Variants in ZC3H18 observed in about 807,000 individuals in gnomAD.
ZC3H18 encodes zinc finger CCCH-type containing 18.
In ZC3H18, 8 loss-of-function variants were observed where a neutral mutation model predicts 106.1. The observed-to-expected ratio is 0.08, with a 90% CI of 0.04 to 0.14. The LOEUF (loss-of-function observed/expected upper bound fraction) is 0.14, where lower values mean the gene tolerates loss of function less well. Ranked by LOEUF, ZC3H18 falls within the 10% of genes least tolerant of loss-of-function variation. ZC3H18 has a pLI of 1.00. For synonymous variants in ZC3H18, 635 were observed against 522.1 expected (o/e 1.22, Z -2.95); for missense variants, 1,318 against 1,278.4 (o/e 1.03, Z -0.47).
intron 17 of ZC3H18, 53 bp from the exon 18 acceptor site, chr16:88,631,048 C>T (rs932413727): frequency 4.6e-5 from 74 of 1,606,500 alleles, no homozygotes; most frequent in Non-Finnish European, 5.7e-5. Context: ...GTCACCCCTT[C>T]CACCTGCAGA....
chr16:88,606,280 G>A (rs538970682), intron 6 of ZC3H18, among the ~76,000 whole-genome samples: 194 of 152,352 alleles, frequency 1.3e-3, no homozygotes, highest in Middle Eastern at 0.01. Flanking sequence ...TGAGGAGTCC[G>A]TTGTTGGCAT....
Position 88,627,768 on chromosome 16 carries a change from C to A in ZC3H18, c.2255C>A (p.Thr752Asn). Residue 752 changes from threonine to asparagine, a missense_variant, in exon 14 of 18, where the codon ACC becomes AAC. By Grantham distance (65) the Thr-to-Asn change is moderately conservative (BLOSUM62 0). This residue lies in a region of ZC3H18 where 848 missense variants were observed against 821.7 expected (regional missense o/e 1.03). Coordinates refer to ENST00000301011, the MANE Select transcript of ZC3H18 (RefSeq NM_144604.4). The surrounding 1 kb of genome is among the most constrained non-coding windows in gnomAD (Gnocchi z 4.5). ...TCTCGGTCCCCGGCCCCAGCCCAGA[C>A]CAGGAAGGAGAAAGGTACTCAGGAG... ...ASSRSPAPAQ[T>N]RKEKGKSKKE... 1.2e-6 allele frequency: 2 copies of A among 1,605,504 alleles called. No individual in the cohort carries two copies. The highest frequency in any genetic ancestry group is 1.7e-6 in the Non-Finnish European group (2 of 1,172,722).
chr16:88,579,673 A>G (rs1914988772), intron 2 of ZC3H18, among the ~76,000 whole-genome samples: 1 of 152,144 alleles, frequency 6.6e-6, no homozygotes, highest in South Asian at 2.1e-4. Flanking sequence ...TTGCCTACCT[A>G]GACCTTGCCT....
intron 2 of ZC3H18, among the ~76,000 whole-genome samples, chr16:88,581,003 G>A (rs1028844374): frequency 2.0e-5 from 3 of 152,148 alleles, no homozygotes; most frequent in African/African-American, 7.2e-5. Context: ...GTCAGGAGAG[G>A]GACTGATTCG....
chr16:88,598,238 A>G lies in ZC3H18; in HGVS notation c.749A>G (p.Asn250Ser). 6.2e-7 allele frequency: 1 copy of G among 1,613,802 alleles called. No individual in the cohort carries two copies. Among genetic ancestry groups the G allele is most frequent in the Non-Finnish European group, 8.5e-7 (1 of 1,179,888 alleles). ...CACCCTGGAGTGAACGACAAGGGGA[A>G]CTACTCCCTAATCACCAAAGCCGAC... ...FIHPGVNDKGNYSLITKADPF... is the reference protein window; with the variant it reads ...FIHPGVNDKGSYSLITKADPF... The change falls in exon 4 of 18, where the codon AAC (asparagine) becomes AGC (serine). Residue 250 changes from asparagine to serine, a missense_variant. Asn to Ser is a conservative substitution (Grantham distance 46, BLOSUM62 1). Transcript: ENST00000301011.
Position 88,625,273 on chromosome 16 carries a change from C to T in ZC3H18, c.2108+6C>T. The T allele has an allele frequency of 1.3e-6, 2 of 1,583,272 alleles. No individual in the cohort carries two copies. Among genetic ancestry groups the T allele is most frequent in the East Asian group, 2.3e-5 (1 of 43,012 alleles). On this transcript the variant is annotated splice_donor_region_variant and intron_variant, in intron 13 of 17. Coordinates refer to ENST00000301011, the MANE Select transcript of ZC3H18 (RefSeq NM_144604.4). Reference sequence around the variant, plus strand: ...GGTTCCAGCTCCCGATCCAGGTCATCCCCATCACCCTGTGCCTCTGTTTCT... The same window carrying T: ...GGTTCCAGCTCCCGATCCAGGTCATTCCCATCACCCTGTGCCTCTGTTTCT...
chr16:88,617,235 G>A (rs745372665), intron 8 of ZC3H18, among the ~76,000 whole-genome samples: 1 of 152,020 alleles, frequency 6.6e-6, no homozygotes, highest in Non-Finnish European at 1.5e-5. Flanking sequence ...GCTTGTCCCC[G>A]TCGGGATCTC....
Position 88,599,860 on chromosome 16 carries a change from A to T in ZC3H18, c.1000A>T (p.Ile334Phe). The T allele has an allele frequency of 1.2e-6, 2 of 1,614,236 alleles. No homozygotes were observed. The highest frequency in any genetic ancestry group is 1.7e-6 in the Non-Finnish European group (2 of 1,180,046). The change falls in exon 6 of 18, where the codon ATT (isoleucine) becomes TTT (phenylalanine). Residue 334 changes from isoleucine (I) to phenylalanine (F), a missense_variant. By Grantham distance (21) the Ile-to-Phe change is conservative (BLOSUM62 0). This residue lies in a region of ZC3H18 where 848 missense variants were observed against 821.7 expected (regional missense o/e 1.03). Coordinates refer to ENST00000301011, the MANE Select transcript of ZC3H18 (RefSeq NM_144604.4). Reference sequence around the variant, plus strand: ...TGAAGAGAAAAGGTTTACGGTGACCATTGGCGAAGACGAACGGGAATTTGA... The same window carrying T: ...TGAAGAGAAAAGGTTTACGGTGACCTTTGGCGAAGACGAACGGGAATTTGA... ...DFEEKRFTVT[I>F]GEDEREFDKE...
chr16:88,617,714 C>G (rs1302562037), intron 8 of ZC3H18, among the ~76,000 whole-genome samples: 1 of 152,246 alleles, frequency 6.6e-6, no homozygotes, highest in Non-Finnish European at 1.5e-5. Context: ...ACTGGAAGCA[C>G]TCGCCCCCCA....
At chr16:88,623,071 G>A (rs1219021716) in intron 9 of ZC3H18, 148 bp from the exon 10 acceptor site, 8 of 1,128,928 alleles carry the variant, frequency 7.1e-6, no homozygotes, top group Middle Eastern at 2.9e-4. Context: ...GTCTGTGCGC[G>A]CGTCTGCAGC....
chr16:88,577,091 T>C lies in ZC3H18; in HGVS notation c.-14-19T>C, dbSNP rs2142531773. 1 of 1,502,480 alleles carries C rather than the reference T, an allele frequency of 6.7e-7. No homozygotes were observed. 93.1% of individuals were successfully genotyped at this position (1,502,480 alleles called of 1,614,324 possible). On this transcript the variant is annotated intron_variant, in intron 1 of 17. Transcript: ENST00000301011. ...TCCATTTTGCTAAAGGCTGTCAATCTGTATTCTCTCTTTTGCAGAACCGTG... is the reference window on the plus strand; with the variant it reads ...TCCATTTTGCTAAAGGCTGTCAATCCGTATTCTCTCTTTTGCAGAACCGTG...
chr16:88,630,756 A>ACCCCC, intron 17 of ZC3H18, among the ~76,000 whole-genome samples, 175 bp downstream of exon 17: 1 of 50,240 alleles, frequency 2.0e-5, no homozygotes, highest in African/African-American at 6.6e-5. Flanking sequence ...CCCACCCCCC[A>ACCCCC]CCCCCCCCCA....
intron 17 of ZC3H18, 143 bp from the exon 18 acceptor site, chr16:88,630,958 G>A: frequency 2.9e-6 from 3 of 1,031,656 alleles, no homozygotes; most frequent in South Asian, 1.5e-5. Context: ...GCTTGTGGCA[G>A]TGGGAGCCTG....
intron 8 of ZC3H18, 129 bp downstream of exon 8, chr16:88,611,665 C>G: frequency 7.3e-7 from 1 of 1,368,770 alleles, no homozygotes; most frequent in Non-Finnish European, 9.7e-7. Flanking sequence ...AGTGCAGGCC[C>G]ACAGCCCGAG....
Position 88,623,970 on chromosome 16 carries a change from C to CTCTTCG in ZC3H18, c.1809_1814dup (p.Ser604_Ser605dup). On this transcript the variant is annotated inframe_insertion, in exon 11 of 18. Coordinates refer to ENST00000301011, the MANE Select transcript of ZC3H18 (RefSeq NM_144604.4). ...TTCACTCCCCTAGGTCCCGGTCCTT[C>CTCTTCG]TCTTCGTCCCCGTCCCCGTCCCCAA... The CTCTTCG allele has an allele frequency of 6.2e-7, 1 of 1,612,428 alleles. No homozygotes were observed. The highest frequency in any genetic ancestry group is 8.5e-7 in the Non-Finnish European group (1 of 1,178,818).
At position 88,571,192 on chromosome 16, in the gene ZC3H18, C is replaced by T. The variant is rs191217185; in HGVS notation, c.-15+626C>T. On this transcript the variant is annotated intron_variant, in intron 1 of 17. Transcript: ENST00000301011. ...AGAACTGAAACTTAACAGCCTTACTCCTGCCAAACATTTTTCCTGAATACT... is the reference window on the plus strand; with the variant it reads ...AGAACTGAAACTTAACAGCCTTACTTCTGCCAAACATTTTTCCTGAATACT... 1.2e-4 allele frequency among the ~76,000 whole-genome samples: 18 copies of T among 152,330 alleles called. 1 individual carries two copies. The East Asian group carries it at 3.3e-3, about 28-fold the overall frequency.
At chr16:88,579,367 G>T (rs925122645) in intron 2 of ZC3H18, among the ~76,000 whole-genome samples, 8 of 152,118 alleles carry the variant, frequency 5.3e-5, no homozygotes, top group Admixed American at 4.6e-4. Context: ...ACCACCACTG[G>T]GAGTGCAGCA....
At chr16:88,571,638 G>T (rs1453613966) in intron 1 of ZC3H18, 1 of 985,302 alleles carries the variant, frequency 1.0e-6, no homozygotes, top group Non-Finnish European at 1.2e-6. Flanking sequence ...AATATTGTAA[G>T]AAAGCTTTGT....
In ZC3H18 at chr16:88,628,962, G is replaced by C; in HGVS notation, c.2566+108G>C. 5 of 1,073,864 alleles carry C rather than the reference G, an allele frequency of 4.7e-6. No homozygotes were observed. The South Asian group carries it at 7.1e-5, about 15-fold the overall frequency. 66.5% of individuals were successfully genotyped at this position (1,073,864 alleles called of 1,614,324 possible). A position where few individuals can be genotyped will look rare whatever the true frequency, so the allele number is the denominator to read the frequency against. ...TCTTAACAAGTAGGAGGAGGGTCCA[G>C]AGAACATCTGACTTGCAGATGATGC... On this transcript the variant is annotated intron_variant, in intron 16 of 17. Transcript: ENST00000301011.
Sources: allele counts gnomAD v4.1 joint callset (sites outside exome capture counted in the v4.1 genomes callset), GRCh38; gene constraint gnomAD v4.1.1; regional missense constraint gnomAD v4.1.1; non-coding constraint Gnocchi (gnomAD v3.1); transcripts MANE v1.5; gene names NCBI Gene and HGNC (gene_info 2026-07-23, HGNC 2026-07-21).